WWOX: variants seen among roughly 807,000 people sequenced by gnomAD.
WWOX encodes WW domain-containing oxidoreductase.
WWOX carries 69 observed loss-of-function variants against 46.2 expected under a neutral mutation model. The ratio of observed to expected loss-of-function variants is 1.49; its 90% CI spans 1.23 to 1.82. The LOEUF (loss-of-function observed/expected upper bound fraction) is 1.82. Among genes scored for constraint, WWOX ranks in the 40% most tolerant of loss-of-function variants. The pLI is 0.00. For missense variants in WWOX, 919 were observed against 542.6 expected (o/e 1.69, Z -6.89); for synonymous variants, 359 against 202.6 (o/e 1.77, Z -6.56).
intron 8 of WWOX, among the ~76,000 whole-genome samples, chr16:78,720,758 A>C (rs2048670011): frequency 6.6e-6 from 1 of 152,118 alleles, no homozygotes; most frequent in African/African-American, 2.4e-5. Flanking sequence ...TCTAGAATTT[A>C]GGGTTATTCT....
chr16:78,974,800 ATCT>A, intron 8 of WWOX, among the ~76,000 whole-genome samples: 1 of 152,210 alleles, frequency 6.6e-6, no homozygotes, highest in Non-Finnish European at 1.5e-5. Context: ...TTAGGGCGTA[ATCT>A]TCTGAGACCC....
chr16:78,243,136 GC>G (rs2151821326), intron 5 of WWOX, among the ~76,000 whole-genome samples: 1 of 152,210 alleles, frequency 6.6e-6, no homozygotes, highest in Admixed American at 6.5e-5. Context: ...AAGTTTGGAA[GC>G]CCTTATTCCT....
At chr16:78,826,003 A>C in intron 8 of WWOX, 1 of 618,756 alleles carries the variant, frequency 1.6e-6, no homozygotes, top group Non-Finnish European at 2.8e-6. Context: ...TCCCCATAGC[A>C]TAACGGGCTG....
At chr16:78,320,939 ATTTTAGGTTAATTGTC>A (rs2151883369) in intron 5 of WWOX, among the ~76,000 whole-genome samples, 1 of 152,214 alleles carries the variant, frequency 6.6e-6, no homozygotes, top group South Asian at 2.1e-4. Flanking sequence ...ACTGCACAGG[ATTTTAGGTTAATTGTC>A]TTGTTTACAA....
intron 8 of WWOX, among the ~76,000 whole-genome samples, chr16:78,530,692 C>G (rs1490229793): frequency 6.6e-6 from 1 of 152,176 alleles, no homozygotes; most frequent in East Asian, 1.9e-4. Context: ...GGATGGGGCC[C>G]TCACCACGGA....
chr16:78,886,876 C>T (rs1353613624), intron 8 of WWOX, among the ~76,000 whole-genome samples: 1 of 152,036 alleles, frequency 6.6e-6, no homozygotes, highest in African/African-American at 2.4e-5. Flanking sequence ...TTGTGATGCA[C>T]AGATACAGGG....
rs148652101 is a variant in WWOX, at chr16:78,917,249, G to A, written c.1057-294359G>A. On this transcript the variant is annotated intron_variant, in intron 8 of 8. Coordinates refer to ENST00000566780, the MANE Select transcript of WWOX (RefSeq NM_016373.4). ...TTACTGCAGACCTCCCAAAGCTCACGAACTGAGAGTCAGGAGGCGTGGTTC... is the reference window on the plus strand; with the variant it reads ...TTACTGCAGACCTCCCAAAGCTCACAAACTGAGAGTCAGGAGGCGTGGTTC... Among the ~76,000 whole-genome samples, 24 of 152,320 alleles carry A rather than the reference G, an allele frequency of 1.6e-4. No individual in the cohort carries two copies. In the East Asian group the frequency reaches 4.1e-3, roughly 26 times the overall value.
intron 8 of WWOX, among the ~76,000 whole-genome samples, chr16:78,556,826 C>T (rs2738514): frequency 6.6e-6 from 1 of 151,830 alleles, no homozygotes; most frequent in Non-Finnish European, 1.5e-5. Flanking sequence ...TCAAGCAATT[C>T]TCGCACCTCA....
At chr16:78,910,793 C>T (rs915515088) in intron 8 of WWOX, among the ~76,000 whole-genome samples, 3 of 151,894 alleles carry the variant, frequency 2.0e-5, no homozygotes, top group Non-Finnish European at 4.4e-5. Context: ...AAGACCCATC[C>T]CCATGATTCA....
chr16:79,173,153 C>T (rs983083905), intron 8 of WWOX, among the ~76,000 whole-genome samples: 2 of 152,196 alleles, frequency 1.3e-5, no homozygotes, highest in African/African-American at 4.8e-5. Flanking sequence ...GTGCCCATGT[C>T]TCTGGGCCTG....
chr16:79,120,525 C>G (rs924655744), intron 8 of WWOX, among the ~76,000 whole-genome samples: 2 of 152,132 alleles, frequency 1.3e-5, no homozygotes, highest in Admixed American at 6.5e-5. Context: ...TTTGTGGCTG[C>G]TGTAATAACG....
intron 8 of WWOX, among the ~76,000 whole-genome samples, chr16:78,700,660 C>T (rs1028465606): frequency 1.3e-5 from 2 of 152,144 alleles, no homozygotes; most frequent in Admixed American, 6.6e-5. Flanking sequence ...ATTATACTTC[C>T]ATATCGTGTG....
At chr16:78,538,523 C>G (rs965681872) in intron 8 of WWOX, among the ~76,000 whole-genome samples, 4 of 152,162 alleles carry the variant, frequency 2.6e-5, no homozygotes, top group Non-Finnish European at 2.9e-5. Flanking sequence ...CTGCCCTCCT[C>G]TTTAACTGAA....
intron 8 of WWOX, among the ~76,000 whole-genome samples, chr16:79,179,508 C>G (rs189491299): frequency 4.6e-5 from 7 of 152,310 alleles, no homozygotes; most frequent in African/African-American, 1.7e-4. Flanking sequence ...ATCCTTCATG[C>G]TTTTGTTTTT....
intron 8 of WWOX, among the ~76,000 whole-genome samples, chr16:78,925,256 G>A (rs999195260): frequency 6.6e-6 from 1 of 152,182 alleles, no homozygotes; most frequent in African/African-American, 2.4e-5. Context: ...ACATGACCAA[G>A]GCTGATCATT....
chr16:78,873,720 T>G (rs1463255278), intron 8 of WWOX, among the ~76,000 whole-genome samples: 1 of 152,078 alleles, frequency 6.6e-6, no homozygotes, highest in Non-Finnish European at 1.5e-5. Context: ...GGCCGGAAGT[T>G]CAAGGCTGCA....
At chr16:78,534,792 C>A (rs113365155) in intron 8 of WWOX, among the ~76,000 whole-genome samples, 1 of 152,050 alleles carries the variant, frequency 6.6e-6, no homozygotes, top group Non-Finnish European at 1.5e-5. Context: ...TCACTGCAAC[C>A]TCCACCTCCC....
chr16:78,801,227 G>A (rs1057111621), intron 8 of WWOX, among the ~76,000 whole-genome samples: 1 of 152,020 alleles, frequency 6.6e-6, no homozygotes, highest in South Asian at 2.1e-4. Context: ...CACCATTTTT[G>A]TGGTGGGCAT....
intron 8 of WWOX, among the ~76,000 whole-genome samples, chr16:79,177,139 C>T (rs1000157158): frequency 6.6e-6 from 1 of 152,170 alleles, no homozygotes. Flanking sequence ...ACTGTTTTCC[C>T]CTTCGCTGCC....
Sources: allele counts gnomAD v4.1 joint callset (sites outside exome capture counted in the v4.1 genomes callset), GRCh38; gene constraint gnomAD v4.1.1; transcripts MANE v1.5; gene names NCBI Gene and HGNC (gene_info 2026-07-23, HGNC 2026-07-21).